Variants in GEMIN6 observed in about 807,000 individuals in gnomAD.
GEMIN6 encodes gem-associated protein 6.
A neutral mutation model predicts 14.1 loss-of-function variants in GEMIN6; 13 were observed. The observed-to-expected ratio is 0.92, with a 90% CI of 0.60 to 1.46. The LOEUF is 1.46. Among genes scored for constraint, GEMIN6 ranks in the 40% most tolerant of loss-of-function variants. The pLI, the probability that GEMIN6 is intolerant of heterozygous loss-of-function variation, is 0.00. For synonymous variants in GEMIN6, 87 were observed against 70.0 expected (o/e 1.24, Z -1.21); for missense variants, 271 against 202.4 (o/e 1.34, Z -2.06).
At chr2:38,778,728 G>A (rs940573340) in intron 1 of GEMIN6, among the ~76,000 whole-genome samples, 34 of 152,168 alleles carry the variant, frequency 2.2e-4, no homozygotes, top group African/African-American at 6.8e-4. Flanking sequence ...AGGCCGAATT[G>A]TACATATTAA....
Position 38,779,691 on chromosome 2 carries a change from T to TTTTTTTTTC in GEMIN6, c.128+573_128+574insTTTTTTTTC, listed in dbSNP as rs1669038539. On this transcript the variant is annotated intron_variant, in intron 2 of 2. Coordinates refer to ENST00000281950, the MANE Select transcript of GEMIN6 (RefSeq NM_024775.10). ...TTTTTTTTTTTTTTTTTTTTTTTTT[T>TTTTTTTTTC]CGGGGGTGGGATGAAGTCTCACTCT... Among the ~76,000 whole-genome samples the TTTTTTTTTC allele has an allele frequency of 3.4e-5, 4 of 117,160 alleles. 1 individual carries two copies. The highest frequency in any genetic ancestry group is 1.3e-4 in the African/African-American group (4 of 30,284). 76.9% of individuals were successfully genotyped at this position (117,160 alleles called of 152,430 possible). A position where few individuals can be genotyped will look rare whatever the true frequency, so the allele number is the denominator to read the frequency against.
At position 38,781,927 on chromosome 2, in the gene GEMIN6, G is replaced by C; in HGVS notation, c.*35G>C. ...AAGTGTGAACATACTGATAGAAAAAGACTATATTTTATCCCTCATAAAATG... is the reference window on the plus strand; with the variant it reads ...AAGTGTGAACATACTGATAGAAAAACACTATATTTTATCCCTCATAAAATG... On this transcript the variant is annotated 3_prime_UTR_variant, in exon 3 of 3. Coordinates refer to ENST00000281950, the MANE Select transcript of GEMIN6 (RefSeq NM_024775.10). The C allele has an allele frequency of 6.5e-7, 1 of 1,546,226 alleles. No homozygotes were observed. Among genetic ancestry groups the C allele is most frequent in the South Asian group, 1.2e-5 (1 of 80,308 alleles).
rs1669016728 is a variant in GEMIN6, at chr2:38,779,112, C to T, written c.122C>T (p.Ser41Phe). Residue 41 changes from serine to phenylalanine, a missense_variant, in exon 2 of 3, where the codon TCT becomes TTT. Ser to Phe is a radical substitution (Grantham distance 155, BLOSUM62 -2). Coordinates refer to ENST00000281950, the MANE Select transcript of GEMIN6 (RefSeq NM_024775.10). ...KGWVLTTDPV[S>F]ANIVLVNFLE... ...TGGGTTTTAACTACAGACCCAGTCT[C>T]TGCCAAGTGAGTATGCATCCTACTT... 6.2e-7 allele frequency: 1 copy of T among 1,612,098 alleles called. No homozygotes were observed. Among genetic ancestry groups the T allele is most frequent in the South Asian group, 1.1e-5 (1 of 90,740 alleles).
rs1332019484 is a variant in GEMIN6 at position 38,782,121 on chromosome 2, G to C, written c.*229G>C. ...GCATAAAATTAGCACAGGGACATCAGAATTGTATGGGTCTTCTTTTTTCTT... is the reference window on the plus strand; with the variant it reads ...GCATAAAATTAGCACAGGGACATCACAATTGTATGGGTCTTCTTTTTTCTT... On this transcript the variant is annotated 3_prime_UTR_variant, in exon 3 of 3. Transcript: ENST00000281950. 2.0e-5 allele frequency: 9 copies of C among 458,048 alleles called. No individual in the cohort carries two copies. In the East Asian group the frequency reaches 2.4e-4, roughly 12 times the overall value. 28.4% of individuals were successfully genotyped at this position (458,048 alleles called of 1,614,324 possible).
chr2:38,781,455 A>G, intron 2 of GEMIN6, 62 bp from the exon 3 acceptor site: 3 of 1,450,614 alleles, frequency 2.1e-6, no homozygotes, highest in East Asian at 2.3e-5. Flanking sequence ...GTAGAGTGTC[A>G]TCTATTATTT....
Position 38,783,025 on chromosome 2 carries a change from C to G in GEMIN6, c.*1133C>G, listed in dbSNP as rs1207619293. 1 of 150,846 alleles carries G rather than the reference C, an allele frequency of 6.6e-6. No individual in the cohort carries two copies. Among genetic ancestry groups the G allele is most frequent in the Non-Finnish European group, 1.5e-5 (1 of 67,818 alleles). The allele number at this position is 150,846 out of a possible 1,614,324, so 9.3% of individuals were successfully genotyped here. Reference sequence around the variant, plus strand: ...CTGGTATTACAGGCATGCACCATCACGCCCCACTAATTTTGTATTTTTTTA... The same window carrying G: ...CTGGTATTACAGGCATGCACCATCAGGCCCCACTAATTTTGTATTTTTTTA... On this transcript the variant is annotated 3_prime_UTR_variant, in exon 3 of 3. Coordinates refer to ENST00000281950, the MANE Select transcript of GEMIN6 (RefSeq NM_024775.10).
At chr2:38,779,203 T>G in intron 2 of GEMIN6, 85 bp downstream of exon 2, 1 of 1,321,986 alleles carries the variant, frequency 7.6e-7, no homozygotes, top group Non-Finnish European at 1.0e-6. Flanking sequence ...AGCAGATAAA[T>G]GAAAAGCTAA....
Position 38,779,047 on chromosome 2 carries a change from G to C in GEMIN6, c.57G>C (p.Glu19Asp), listed in dbSNP as rs774926487. 6.2e-7 allele frequency: 1 copy of C among 1,613,686 alleles called. No individual in the cohort carries two copies. Among genetic ancestry groups the C allele is most frequent in the African/African-American group, 1.3e-5 (1 of 74,908 alleles). Residue 19 changes from glutamate to aspartate, a missense_variant, in exon 2 of 3, where the codon GAG (glutamate) becomes GAC (aspartate). By Grantham distance (45) the Glu-to-Asp change is conservative (BLOSUM62 2). Transcript: ENST00000281950. ...AATGGCAAGATTACATTTACAAAGA[G>C]GTCCGAGTGACAGCCAGTGAGAAGA... is the stretch of plus-strand genomic sequence containing the variant. ...PLEWQDYIYK[E>D]VRVTASEKNE...
chr2:38,779,600 C>T (rs1027391434), intron 2 of GEMIN6, among the ~76,000 whole-genome samples: 2 of 125,842 alleles, frequency 1.6e-5, no homozygotes, highest in East Asian at 2.4e-4. Context: ...TCAGACCAGG[C>T]AACTTCATAG....
chr2:38,781,443 G>T, intron 2 of GEMIN6, 74 bp from the exon 3 acceptor site: 1 of 1,373,010 alleles, frequency 7.3e-7, no homozygotes, highest in Non-Finnish European at 1.0e-6. Context: ...ATTTCAAACA[G>T]AGTAGAGTGT....
rs1386176262 is a variant in GEMIN6, at chr2:38,784,948, C to G, written c.*3056C>G. ...AGTCCTGGGCTGTAGCCAGGGCAGT[C>G]TTTGAACACATTATCAAGAATACTT... On this transcript the variant is annotated 3_prime_UTR_variant, in exon 3 of 3. Coordinates refer to ENST00000281950, the MANE Select transcript of GEMIN6 (RefSeq NM_024775.10). 6.6e-6 allele frequency: 1 copy of G among 152,204 alleles called. No individual in the cohort carries two copies. Among genetic ancestry groups the G allele is most frequent in the African/African-American group, 2.4e-5 (1 of 41,462 alleles). 9.4% of individuals were successfully genotyped at this position (152,204 alleles called of 1,614,324 possible).
At chr2:38,778,950 C>A (rs370812620) in intron 1 of GEMIN6, 22 bp from the exon 2 acceptor site, 2 of 1,588,672 alleles carry the variant, frequency 1.3e-6, no homozygotes, top group Non-Finnish European at 1.7e-6. Context: ...CATATATTAA[C>A]CAGCACTGGT....
At chr2:38,781,348 G>C (rs550808617) in intron 2 of GEMIN6, among the ~76,000 whole-genome samples, 169 bp from the exon 3 acceptor site, 2 of 152,326 alleles carry the variant, frequency 1.3e-5, no homozygotes, top group Middle Eastern at 3.4e-3. Context: ...ATGATTGGCT[G>C]TAGGCTGGGC....
rs144297277 is a variant in GEMIN6 at position 38,781,758 on chromosome 2, C to G, written c.370C>G (p.Pro124Ala). Reference protein sequence around the residue: ...HIPITEQGDAPRTLCVAGVLT... With the variant: ...HIPITEQGDAARTLCVAGVLT... ...CCCCATCACTGAACAGGGAGACGCTCCAAGGACTCTCTGTGTGGCTGGGGT... is the reference window on the plus strand; with the variant it reads ...CCCCATCACTGAACAGGGAGACGCTGCAAGGACTCTCTGTGTGGCTGGGGT... Residue 124 changes from proline (P) to alanine (A), a missense_variant, in exon 3 of 3, where the codon CCA (proline) becomes GCA (alanine). Physicochemically the swap from Pro to Ala is conservative, Grantham distance 27. Coordinates refer to ENST00000281950, the MANE Select transcript of GEMIN6 (RefSeq NM_024775.10). The G allele has an allele frequency of 4.8e-5, 77 of 1,614,048 alleles. 1 individual carries two copies. Among genetic ancestry groups the G allele is most frequent in the African/African-American group, 2.9e-4 (22 of 74,932 alleles).
At position 38,785,001 on chromosome 2, in the gene GEMIN6, C is replaced by T. The variant is rs3178230; in HGVS notation, c.*3109C>T. On this transcript the variant is annotated 3_prime_UTR_variant, in exon 3 of 3. Transcript: ENST00000281950. ...TAAAATAAAAGTCTGTTTCGACTTC[C>T]ACTGTGTATTTTTTGTCTCCTTGGA... 1 of 152,148 alleles carries T rather than the reference C, an allele frequency of 6.6e-6. No homozygotes were observed. The highest frequency in any genetic ancestry group is 2.4e-5 in the African/African-American group (1 of 41,430). 9.4% of individuals were successfully genotyped at this position (152,148 alleles called of 1,614,324 possible). A position where few individuals can be genotyped will look rare whatever the true frequency, so the allele number is the denominator to read the frequency against.
Position 38,781,756 on chromosome 2 carries a change from C to A in GEMIN6, c.368C>A (p.Ala123Asp), listed in dbSNP as rs776345814. The A allele has an allele frequency of 6.2e-7, 1 of 1,614,156 alleles. No individual in the cohort carries two copies. The highest frequency in any genetic ancestry group is 8.5e-7 in the Non-Finnish European group (1 of 1,180,046). The change falls in exon 3 of 3, where the codon GCT becomes GAT. Residue 123 changes from alanine (A) to aspartate (D), a missense_variant. Physicochemically the swap from Ala to Asp is moderately radical, Grantham distance 126. Coordinates refer to ENST00000281950, the MANE Select transcript of GEMIN6 (RefSeq NM_024775.10). ...ATCCCCATCACTGAACAGGGAGACG[C>A]TCCAAGGACTCTCTGTGTGGCTGGG... ...NHIPITEQGDAPRTLCVAGVL... is the reference protein window; with the variant it reads ...NHIPITEQGDDPRTLCVAGVL...
chr2:38,780,870 T>C (rs916185874), intron 2 of GEMIN6, among the ~76,000 whole-genome samples: 5 of 152,026 alleles, frequency 3.3e-5, no homozygotes, highest in Admixed American at 6.6e-5. Context: ...CTCAAGTGAT[T>C]TGCCCGCCTT....
intron 2 of GEMIN6, among the ~76,000 whole-genome samples, chr2:38,780,390 A>T (rs563704817): frequency 2.6e-4 from 40 of 150,966 alleles, no homozygotes; most frequent in African/African-American, 8.0e-4. Context: ...TTTGAGATGG[A>T]GTCTCGCTGT....
intron 2 of GEMIN6, among the ~76,000 whole-genome samples, chr2:38,779,824 C>T (rs1669040739): frequency 6.7e-6 from 1 of 148,344 alleles, no homozygotes; most frequent in Non-Finnish European, 1.5e-5. Context: ...TGGGGTTACA[C>T]ACATGTGCCA....
Sources: allele counts gnomAD v4.1 joint callset (sites outside exome capture counted in the v4.1 genomes callset), GRCh38; gene constraint gnomAD v4.1.1; transcripts MANE v1.5; gene names NCBI Gene and HGNC (gene_info 2026-07-23, HGNC 2026-07-21).